SEMA5B: variants seen among roughly 807,000 people sequenced by gnomAD.
SEMA5B encodes semaphorin-5B.
A neutral mutation model predicts 135.0 loss-of-function variants in SEMA5B; 66 were observed. The observed-to-expected ratio is 0.49, with a 90% CI of 0.40 to 0.60. SEMA5B has a LOEUF of 0.60. Ranked by LOEUF, SEMA5B falls within the 20% of genes least tolerant of loss-of-function variation. The probability of loss-of-function intolerance (pLI) is 0.00; values close to 1 mark genes in which losing one functional copy is unlikely to be tolerated. For missense variants in SEMA5B, 1,501 were observed against 1,566.3 expected (o/e 0.96, Z 0.70); for synonymous variants, 690 against 639.5 (o/e 1.08, Z -1.19).
intron 2 of SEMA5B, among the ~76,000 whole-genome samples, chr3:122,960,121 G>C (rs1341155593): frequency 6.6e-6 from 1 of 152,162 alleles, no homozygotes; most frequent in African/African-American, 2.4e-5. Flanking sequence ...CTCAAAAACA[G>C]GCAGCAAATC....
intron 9 of SEMA5B, among the ~76,000 whole-genome samples, chr3:122,924,622 C>A (rs984238789): frequency 3.3e-5 from 5 of 152,132 alleles, no homozygotes; most frequent in Non-Finnish European, 7.3e-5. Context: ...TTGGGACATA[C>A]CCTCCCTGCC....
At chr3:123,019,399 A>G (rs1942628444) in intron 1 of SEMA5B, among the ~76,000 whole-genome samples, 1 of 152,116 alleles carries the variant, frequency 6.6e-6, no homozygotes, top group African/African-American at 2.4e-5. Flanking sequence ...AGTCTGAGAC[A>G]AGCCTGGGTA....
At chr3:122,976,042 C>G in intron 1 of SEMA5B, 2 of 1,535,138 alleles carry the variant, frequency 1.3e-6, no homozygotes, top group Non-Finnish European at 1.7e-6. Flanking sequence ...GTAGAATGCC[C>G]TCTCCCAAAT....
At chr3:122,969,837 A>G (rs1014104588) in intron 1 of SEMA5B, among the ~76,000 whole-genome samples, 1 of 152,154 alleles carries the variant, frequency 6.6e-6, no homozygotes, top group Non-Finnish European at 1.5e-5. Context: ...AATCATCTCT[A>G]TTTGGCTGTG....
At chr3:122,933,191 T>C (rs1022434313) in intron 5 of SEMA5B, among the ~76,000 whole-genome samples, 5 of 152,094 alleles carry the variant, frequency 3.3e-5, no homozygotes, top group Non-Finnish European at 5.9e-5. Flanking sequence ...GCTTTCCGAA[T>C]CGCATGTTTC....
At chr3:122,937,052 G>T (rs1939326905) in intron 5 of SEMA5B, among the ~76,000 whole-genome samples, 1 of 152,248 alleles carries the variant, frequency 6.6e-6, no homozygotes, top group African/African-American at 2.4e-5. Flanking sequence ...CTTAAATCAT[G>T]CCCTGGGGCC....
At chr3:122,921,826 C>G in intron 12 of SEMA5B, 89 bp downstream of exon 12, 1 of 1,146,098 alleles carries the variant, frequency 8.7e-7, no homozygotes, top group Non-Finnish European at 1.2e-6. Context: ...ACTGCAGGGA[C>G]CGACCCCAGG....
At chr3:123,005,081 C>T (rs529091520) in intron 1 of SEMA5B, among the ~76,000 whole-genome samples, 23 of 152,234 alleles carry the variant, frequency 1.5e-4, no homozygotes, top group African/African-American at 5.5e-4. Flanking sequence ...TGGCAGAAGC[C>T]CTGAGCACTC....
rs1376380721 is a variant in SEMA5B, at chr3:122,909,890, A to G, written c.*253T>C. On this transcript the variant is annotated 3_prime_UTR_variant, in exon 23 of 23. Transcript: ENST00000357599. ...CATGGCAGCATAGTGTCAGCGTGAC[A>G]GTGGGTTGGAAGATAACCATGAGAG... 8.7e-6 allele frequency: 4 copies of G among 457,160 alleles called. No homozygotes were observed. Among genetic ancestry groups the G allele is most frequent in the Non-Finnish European group, 1.6e-5 (4 of 255,918 alleles). The allele number at this position is 457,160 out of a possible 1,614,324, so 28.3% of individuals were successfully genotyped here. A position where few individuals can be genotyped will look rare whatever the true frequency, so the allele number is the denominator to read the frequency against.
At chr3:123,019,038 C>T (rs1208020144) in intron 1 of SEMA5B, among the ~76,000 whole-genome samples, 3 of 152,192 alleles carry the variant, frequency 2.0e-5, no homozygotes, top group Admixed American at 6.5e-5. Flanking sequence ...CCCCACTCTA[C>T]TGCTATTTGT....
chr3:122,994,137 C>T (rs1165946246), intron 1 of SEMA5B, among the ~76,000 whole-genome samples: 1 of 152,066 alleles, frequency 6.6e-6, no homozygotes, highest in African/African-American at 2.4e-5. Flanking sequence ...AACCTTCCCT[C>T]CTCTGTGCTG....
intron 4 of SEMA5B, among the ~76,000 whole-genome samples, chr3:122,943,216 C>T (rs979793962): frequency 1.3e-5 from 2 of 152,168 alleles, no homozygotes; most frequent in Non-Finnish European, 2.9e-5. Context: ...CAGGGGCCTG[C>T]AGCTGGCTGA....
Position 122,918,096 on chromosome 3 carries a change from A to G in SEMA5B, c.1689-2206T>C, listed in dbSNP as rs180682542. On this transcript the variant is annotated intron_variant, in intron 12 of 22. Coordinates refer to ENST00000357599, the MANE Select transcript of SEMA5B (RefSeq NM_001031702.4). ...GCTTACGTGGCATTATAAGTGACAC[A>G]AATTAACTGGAAAAAAGAATTAGCC... Among the ~76,000 whole-genome samples the G allele has an allele frequency of 6.4e-4, 97 of 152,294 alleles. 1 individual carries two copies. Among genetic ancestry groups the G allele is most frequent in the African/African-American group, 2.2e-3 (90 of 41,584 alleles).
chr3:122,911,679 T>C, intron 20 of SEMA5B, 144 bp from the exon 21 acceptor site: 1 of 997,148 alleles, frequency 1.0e-6, no homozygotes, highest in Non-Finnish European at 1.4e-6. Context: ...TTCCCCTCCC[T>C]CTCTCCTCAG....
intron 1 of SEMA5B, among the ~76,000 whole-genome samples, chr3:122,981,342 G>A (rs1941516025): frequency 6.6e-6 from 1 of 152,238 alleles, no homozygotes; most frequent in African/African-American, 2.4e-5. Context: ...CCCCACTTTG[G>A]GAGGACTTCC....
chr3:123,003,863 TAATAAAA>T lies in SEMA5B; in HGVS notation c.-39+23594_-39+23600del, dbSNP rs1942242608. Among the ~76,000 whole-genome samples, 4 of 151,482 alleles carry T rather than the reference TAATAAAA, an allele frequency of 2.6e-5. No individual in the cohort carries two copies. The South Asian group carries it at 8.3e-4, about 32-fold the overall frequency. ...AAATAAATAAATAAATAAATAATAA[TAATAAAA>T]AGAAAGTTCTTGAAGTTTTAATTCA... On this transcript the variant is annotated intron_variant, in intron 1 of 22. Coordinates refer to ENST00000357599, the MANE Select transcript of SEMA5B (RefSeq NM_001031702.4).
chr3:122,925,183 T>C (rs1247678826), intron 9 of SEMA5B, among the ~76,000 whole-genome samples: 5 of 151,936 alleles, frequency 3.3e-5, no homozygotes, highest in Admixed American at 6.6e-5. Flanking sequence ...CACCACTCCA[T>C]GCCTTATAGG....
chr3:122,913,682 C>G lies in SEMA5B; in HGVS notation c.2133-1G>C, dbSNP rs1355669562. ...GCAAGGCGTGTTCTCATTACAGAAC[C>G]TGGGGTCGGGGGAGAGGCGTCAATC... On this transcript the variant is annotated splice_acceptor_variant, in intron 15 of 22. Coordinates refer to ENST00000357599, the MANE Select transcript of SEMA5B (RefSeq NM_001031702.4). LOFTEE classifies it high-confidence loss of function. 6.2e-7 allele frequency: 1 copy of G among 1,613,448 alleles called. No homozygotes were observed. The highest frequency in any genetic ancestry group is 8.5e-7 in the Non-Finnish European group (1 of 1,179,838).
Position 122,926,510 on chromosome 3 carries a change from T to A in SEMA5B, c.1018A>T (p.Met340Leu). 6.2e-7 allele frequency: 1 copy of A among 1,614,244 alleles called. No individual in the cohort carries two copies. The stretch of plus-strand genomic sequence containing the variant: ...CGGGAGCAGTTGAGCCGGGCCTTCA[T>A]GAATGTGGTCCATGTGTCCTCCAGC... ...FLLEDTWTTF[M>L]KARLNCSRPG... is the part of the protein sequence containing the mutation. The change falls in exon 9 of 23, where the codon ATG (methionine) becomes TTG (leucine). Residue 340 changes from methionine (M) to leucine (L), a missense_variant. Coordinates refer to ENST00000357599, the MANE Select transcript of SEMA5B (RefSeq NM_001031702.4).
Sources: allele counts gnomAD v4.1 joint callset (sites outside exome capture counted in the v4.1 genomes callset), GRCh38; gene constraint gnomAD v4.1.1; transcripts MANE v1.5; gene names NCBI Gene and HGNC (gene_info 2026-07-23, HGNC 2026-07-21).